The following SHROOM3 variants were observed in gnomAD, a reference collection of about 807,000 sequenced individuals.
The protein encoded by SHROOM3 is protein Shroom3.
SHROOM3 carries 47 observed loss-of-function variants against 138.6 expected under a neutral mutation model. That is an observed-to-expected ratio of 0.34 (90% CI 0.27 to 0.43). The LOEUF (loss-of-function observed/expected upper bound fraction) is 0.43. Ranked by LOEUF, SHROOM3 falls within the 20% of genes least tolerant of loss-of-function variation. The pLI, the probability that SHROOM3 is intolerant of heterozygous loss-of-function variation, is 1.00. For synonymous variants in SHROOM3, 1,062 were observed against 1,063.3 expected (o/e 1.00, Z 0.02); for missense variants, 2,491 against 2,596.5 (o/e 0.96, Z 0.88).
rs1332908425 is a variant in SHROOM3 at position 76,781,384 on chromosome 4, C to T, written c.*2207C>T. 5 of 152,188 alleles carry T rather than the reference C, an allele frequency of 3.3e-5. No homozygotes were observed. The highest frequency in any genetic ancestry group is 9.7e-5 in the African/African-American group (4 of 41,426). The allele number at this position is 152,188 out of a possible 1,614,324, so 9.4% of individuals were successfully genotyped here. A position where few individuals can be genotyped will look rare whatever the true frequency, so the allele number is the denominator to read the frequency against. Reference sequence around the variant, plus strand: ...GCTCAAGGGATCCTTCCGCTTTGGTCCCAGAAGTGCTGGGATTACAGGCAT... The same window carrying T: ...GCTCAAGGGATCCTTCCGCTTTGGTTCCAGAAGTGCTGGGATTACAGGCAT... On this transcript the variant is annotated 3_prime_UTR_variant, in exon 11 of 11. Coordinates refer to ENST00000296043, the MANE Select transcript of SHROOM3 (RefSeq NM_020859.4).
intron 2 of SHROOM3, among the ~76,000 whole-genome samples, chr4:76,580,972 T>C (rs1042262664): frequency 8.5e-5 from 13 of 152,238 alleles, no homozygotes; most frequent in Admixed American, 1.3e-4. Flanking sequence ...AGGGTACATG[T>C]GCACAACGTG....
intron 10 of SHROOM3, among the ~76,000 whole-genome samples, chr4:76,771,355 G>A (rs1203665102): frequency 6.6e-6 from 1 of 151,068 alleles, no homozygotes; most frequent in African/African-American, 2.4e-5. Flanking sequence ...TCCAGACTGG[G>A]CGACCACATC....
At chr4:76,450,372 A>T (rs529678318) in intron 1 of SHROOM3, among the ~76,000 whole-genome samples, 1 of 152,344 alleles carries the variant, frequency 6.6e-6, no homozygotes, top group Non-Finnish European at 1.5e-5. Flanking sequence ...ATCACCCAAC[A>T]GTTCTACTCT....
intron 2 of SHROOM3, chr4:76,688,467 T>C: frequency 4.1e-6 from 4 of 985,292 alleles, no homozygotes; most frequent in Non-Finnish European, 4.8e-6. Context: ...ACCTTAAATA[T>C]AGAACCTGGA....
intron 1 of SHROOM3, among the ~76,000 whole-genome samples, chr4:76,483,507 G>T (rs1332996694): frequency 6.6e-6 from 1 of 152,224 alleles, no homozygotes; most frequent in African/African-American, 2.4e-5. Flanking sequence ...ACAGGTGCTG[G>T]AGAGGATGTG....
At chr4:76,571,527 A>G (rs1733832530) in intron 2 of SHROOM3, among the ~76,000 whole-genome samples, 1 of 152,238 alleles carries the variant, frequency 6.6e-6, no homozygotes, top group South Asian at 2.1e-4. Context: ...GCAAGTTTAC[A>G]TGCCAATAAA....
chr4:76,725,382 G>A (rs1720673669), intron 3 of SHROOM3, among the ~76,000 whole-genome samples: 6 of 152,098 alleles, frequency 3.9e-5, no homozygotes. Flanking sequence ...CAGAATGTAA[G>A]CTCCTTAAAG....
chr4:76,774,717 TTTG>T (rs1408580383), intron 10 of SHROOM3, among the ~76,000 whole-genome samples: 140 of 145,062 alleles, frequency 9.7e-4, no homozygotes, highest in East Asian at 2.6e-3. Flanking sequence ...GGGTTTTTTT[TTTG>T]TTTTTTTTTT....
intron 1 of SHROOM3, among the ~76,000 whole-genome samples, chr4:76,457,628 A>AT (rs1233340966): frequency 1.5e-4 from 22 of 150,942 alleles, no homozygotes; most frequent in Non-Finnish European, 7.4e-5. Context: ...AGTAGCTGGG[A>AT]TTACAGGCAC....
At chr4:76,456,305 C>G (rs996953844) in intron 1 of SHROOM3, among the ~76,000 whole-genome samples, 1 of 152,154 alleles carries the variant, frequency 6.6e-6, no homozygotes, top group Non-Finnish European at 1.5e-5. Flanking sequence ...GTGCCCAGCC[C>G]TTTTGTATAC....
chr4:76,737,344 G>A (rs1270276148), intron 4 of SHROOM3, among the ~76,000 whole-genome samples: 6 of 149,306 alleles, frequency 4.0e-5, no homozygotes, highest in Admixed American at 2.0e-4. Context: ...GAACAGCCTT[G>A]TTGCTTCCAT....
rs138986562 is a variant in SHROOM3, at chr4:76,739,524, A to T, written c.1351A>T (p.Asn451Tyr). 6.8e-6 allele frequency: 11 copies of T among 1,614,128 alleles called. No individual in the cohort carries two copies. The highest frequency in any genetic ancestry group is 9.3e-6 in the Non-Finnish European group (11 of 1,179,982). Residue 451 changes from asparagine to tyrosine, a missense_variant, in exon 5 of 11, where the codon AAC (asparagine) becomes TAC (tyrosine). Physicochemically the swap from Asn to Tyr is moderately radical, Grantham distance 143 (BLOSUM62 -2). This residue lies in a region of SHROOM3 where 1,733 missense variants were observed against 1,661.6 expected (regional missense o/e 1.04). Transcript: ENST00000296043. ...CAGCCCCCCAGTGAAGCCCAAGCATAACTATACCCAGAAGGCCCAACCTGG... is the reference window on the plus strand; with the variant it reads ...CAGCCCCCCAGTGAAGCCCAAGCATTACTATACCCAGAAGGCCCAACCTGG... ...ENSPPVKPKH[N>Y]YTQKAQPGQP... is the part of the protein sequence containing the mutation.
intron 1 of SHROOM3, among the ~76,000 whole-genome samples, chr4:76,488,969 A>G (rs1731793963): frequency 6.6e-6 from 1 of 152,248 alleles, no homozygotes; most frequent in Non-Finnish European, 1.5e-5. Context: ...CAGAGTCAGT[A>G]CTAACCACTA....
In SHROOM3 at chr4:76,599,074, C is replaced by A. The variant is rs557153972; in HGVS notation, c.323+43311C>A. 2.7e-3 allele frequency among the ~76,000 whole-genome samples: 412 copies of A among 152,104 alleles called. 2 individuals are homozygous for A. The highest frequency in any genetic ancestry group is 0.014 in the Middle Eastern group (4 of 294). On this transcript the variant is annotated intron_variant, in intron 2 of 10. Coordinates refer to ENST00000296043, the MANE Select transcript of SHROOM3 (RefSeq NM_020859.4). ...GGCTGGCTGCTTGGGTGCAGGGGTG[C>A]AAGGCGAGGAGGATGACTCCTAGGG...
At chr4:76,771,128 C>T (rs573345208) in intron 10 of SHROOM3, among the ~76,000 whole-genome samples, 1 of 152,118 alleles carries the variant, frequency 6.6e-6, no homozygotes, top group South Asian at 2.1e-4. Context: ...ATTTTGGGAG[C>T]CCAAGGCAGG....
chr4:76,656,604 A>G (rs1370256987), intron 2 of SHROOM3, among the ~76,000 whole-genome samples: 1 of 152,134 alleles, frequency 6.6e-6, no homozygotes, highest in African/African-American at 2.4e-5. Flanking sequence ...AGACCTCAAC[A>G]TTTCTTTGGG....
intron 7 of SHROOM3, 117 bp from the exon 8 acceptor site, chr4:76,756,332 C>A: frequency 8.3e-7 from 1 of 1,210,768 alleles, no homozygotes; most frequent in South Asian, 1.4e-5. Flanking sequence ...AAAGCTACAG[C>A]CCTGATGTGG....
At chr4:76,522,263 A>G (rs773740026) in intron 1 of SHROOM3, among the ~76,000 whole-genome samples, 12 of 148,312 alleles carry the variant, frequency 8.1e-5, no homozygotes, top group Middle Eastern at 3.6e-3. Context: ...TACTTATGAT[A>G]TTAAGTATAT....
chr4:76,587,176 C>T (rs947313477), intron 2 of SHROOM3: 1 of 152,128 alleles, frequency 6.6e-6, no homozygotes, highest in African/African-American at 2.4e-5. Flanking sequence ...TCAATTGACA[C>T]ATACTTCAGG....
Sources: allele counts gnomAD v4.1 joint callset (sites outside exome capture counted in the v4.1 genomes callset), GRCh38; gene constraint gnomAD v4.1.1; regional missense constraint gnomAD v4.1.1; transcripts MANE v1.5; gene names NCBI Gene and HGNC (gene_info 2026-07-23, HGNC 2026-07-21).